TBCD: variants seen among roughly 807,000 people sequenced by gnomAD.
TBCD encodes tubulin folding cofactor D, also known as tubulin-specific chaperone D.
In TBCD, 105 loss-of-function variants were observed where a neutral mutation model predicts 169.3. The observed-to-expected ratio is 0.62, with a 90% confidence interval of 0.53 to 0.73. TBCD has a LOEUF of 0.73. TBCD is among the 30% of genes least tolerant of loss of function. The probability of loss-of-function intolerance (pLI) is 0.00; values close to 1 mark genes in which losing one functional copy is unlikely to be tolerated. For missense variants in TBCD, 1,444 were observed against 1,600.1 expected (o/e 0.90, Z 1.66); for synonymous variants, 700 against 643.9 (o/e 1.09, Z -1.32).
In TBCD at chr17:82,930,657, C is replaced by CA. The variant is rs1467639519; in HGVS notation, c.3113+14_3113+15insA. On this transcript the variant is annotated intron_variant, in intron 33 of 38. Coordinates refer to ENST00000355528, the MANE Select transcript of TBCD (RefSeq NM_005993.5). The surrounding 1 kb of genome is among the most constrained non-coding windows in gnomAD (Gnocchi z 5.2). ...TCTGAATGAGAGGTGAGTGGTGTCT[C>CA]TTGGGGCCTCAGAGGCGTGAGTGGT... is the stretch of plus-strand genomic sequence containing the variant. The CA allele has an allele frequency of 4.3e-6, 7 of 1,613,948 alleles. No individual in the cohort carries two copies. Among genetic ancestry groups the CA allele is most frequent in the Admixed American group, 3.3e-5 (2 of 60,030 alleles).
At chr17:82,872,431 G>C (rs1025746661) in intron 14 of TBCD, among the ~76,000 whole-genome samples, 3 of 152,214 alleles carry the variant, frequency 2.0e-5, no homozygotes, top group Non-Finnish European at 2.9e-5. Context: ...GCAGTGCCTT[G>C]CAGAGTGGAG....
Position 82,920,906 on chromosome 17 carries a change from G to T in TBCD, c.2101+288G>T. On this transcript the variant is annotated intron_variant, in intron 24 of 38. Coordinates refer to ENST00000355528, the MANE Select transcript of TBCD (RefSeq NM_005993.5). The surrounding 1 kb of genome is among the most constrained non-coding windows in gnomAD (Gnocchi z 4.1). The stretch of plus-strand genomic sequence containing the variant: ...CACTCTGGGTCAGTTCTTCTCCCAG[G>T]CAGACAGTCGGGAGCTGCAGCCACC... The T allele has an allele frequency of 2.4e-6, 1 of 421,988 alleles. No individual in the cohort carries two copies. The highest frequency in any genetic ancestry group is 2.6e-5 in the South Asian group (1 of 38,324). 26.1% of individuals were successfully genotyped at this position (421,988 alleles called of 1,614,324 possible).
At chr17:82,836,896 G>A (rs574875942) in intron 13 of TBCD, among the ~76,000 whole-genome samples, 1 of 152,266 alleles carries the variant, frequency 6.6e-6, no homozygotes, top group South Asian at 2.1e-4. Context: ...TCTTTGATCA[G>A]TTAGTTCACG....
At chr17:82,876,575 T>G (rs1052033638) in intron 14 of TBCD, among the ~76,000 whole-genome samples, 6 of 152,248 alleles carry the variant, frequency 3.9e-5, no homozygotes, top group African/African-American at 7.2e-5. Flanking sequence ...AGTTTTGTTC[T>G]GAGAATGAGA....
At chr17:82,765,824 C>CT (rs1326923284) in intron 3 of TBCD, among the ~76,000 whole-genome samples, 6 of 151,532 alleles carry the variant, frequency 4.0e-5, no homozygotes, top group African/African-American at 7.3e-5. Flanking sequence ...GGAAGGAAAT[C>CT]TTTTTTTTTG....
intron 13 of TBCD, among the ~76,000 whole-genome samples, chr17:82,840,966 T>G (rs947427772): frequency 6.6e-5 from 9 of 135,556 alleles, no homozygotes; most frequent in African/African-American, 1.4e-4. Context: ...TTTTTTTTTT[T>G]TTTTTTTTTT....
intron 13 of TBCD, among the ~76,000 whole-genome samples, chr17:82,858,964 G>A (rs1361932821): frequency 6.6e-6 from 1 of 152,246 alleles, no homozygotes; most frequent in Non-Finnish European, 1.5e-5. Flanking sequence ...GGGGGTCTTG[G>A]GCCGTGAGGC....
At chr17:82,902,556 G>C (rs370148726) in intron 18 of TBCD, among the ~76,000 whole-genome samples, 2 of 152,326 alleles carry the variant, frequency 1.3e-5, no homozygotes, top group East Asian at 1.9e-4. Flanking sequence ...AGAGCTCTTT[G>C]TTTACCGTTA....
At chr17:82,794,219 C>T (rs2049944732) in intron 7 of TBCD, among the ~76,000 whole-genome samples, 1 of 152,194 alleles carries the variant, frequency 6.6e-6, no homozygotes, top group African/African-American at 2.4e-5. Context: ...AGTAGCTCGA[C>T]AGCCTGTGAT....
chr17:82,768,643 C>T, intron 5 of TBCD, 77 bp downstream of exon 5: 3 of 1,505,318 alleles, frequency 2.0e-6, no homozygotes, highest in Middle Eastern at 1.9e-4. Context: ...TAGTGGTTTA[C>T]TCGGTAAGCT....
At chr17:82,867,264 C>T (rs1334338008) in intron 13 of TBCD, among the ~76,000 whole-genome samples, 1 of 152,214 alleles carries the variant, frequency 6.6e-6, no homozygotes, top group African/African-American at 2.4e-5. Context: ...GTGCAGGAGG[C>T]CTGAGGCCAT....
chr17:82,886,376 G>A (rs980937590), intron 15 of TBCD: 2 of 140,956 alleles, frequency 1.4e-5, no homozygotes, highest in African/African-American at 2.6e-5. Context: ...ACCCCCAAAC[G>A]TGCTGACATT....
chr17:82,764,132 C>A, intron 3 of TBCD, 70 bp downstream of exon 3: 1 of 1,197,378 alleles, frequency 8.4e-7, no homozygotes, highest in Non-Finnish European at 1.2e-6. Context: ...GGTTACCCTC[C>A]AAAATGTTAT....
intron 14 of TBCD, 25 bp downstream of exon 14, chr17:82,870,405 C>A (rs74530485): frequency 1.2e-6 from 2 of 1,605,856 alleles, no homozygotes; most frequent in South Asian, 1.1e-5. Flanking sequence ...CGAGGTACAT[C>A]GGATGCGCCG....
intron 28 of TBCD, 65 bp from the exon 29 acceptor site, chr17:82,927,121 C>G: frequency 1.9e-6 from 3 of 1,599,130 alleles, no homozygotes; most frequent in Non-Finnish European, 2.6e-6. Flanking sequence ...CACATCAGCC[C>G]TCTGCGATGT....
intron 7 of TBCD, among the ~76,000 whole-genome samples, chr17:82,785,413 G>A (rs371305439): frequency 1.9e-4 from 5 of 25,904 alleles, no homozygotes; most frequent in Admixed American, 3.0e-4. Flanking sequence ...CCGACCCATC[G>A]CAGCGGGAGG....
chr17:82,871,459 C>T (rs978611845), intron 14 of TBCD, among the ~76,000 whole-genome samples: 1 of 152,222 alleles, frequency 6.6e-6, no homozygotes, highest in Admixed American at 6.5e-5. Flanking sequence ...AGGTTTCACA[C>T]CCGCACTTCA....
In TBCD at chr17:82,923,845, G is replaced by A. The variant is rs1055683657; in HGVS notation, c.2260+112G>A. 7 of 844,864 alleles carry A rather than the reference G, an allele frequency of 8.3e-6. No homozygotes were observed. Among genetic ancestry groups the A allele is most frequent in the Middle Eastern group, 3.5e-4 (1 of 2,850 alleles). 52.3% of individuals were successfully genotyped at this position (844,864 alleles called of 1,614,324 possible). A position where few individuals can be genotyped will look rare whatever the true frequency, so the allele number is the denominator to read the frequency against. On this transcript the variant is annotated intron_variant, in intron 26 of 38. Transcript: ENST00000355528. This position sits in a 1 kb window ranked among gnomAD's most constrained non-coding sequence, Gnocchi z 4.6. ...TTGTGCAGTGGAGCAGAGCCACCAC[G>A]ATCATGGCTGGAGTGGGACTGTTCG... is the stretch of plus-strand genomic sequence containing the variant.
rs1273708174 is a variant in TBCD at position 82,903,008 on chromosome 17, C to A, written c.1731-397C>A. ...TGATGAGGCAGTTATTGGATATGTGCCCCAGATTTGGTGGGTGAGCCTCAG... is the reference window on the plus strand; with the variant it reads ...TGATGAGGCAGTTATTGGATATGTGACCCAGATTTGGTGGGTGAGCCTCAG... On this transcript the variant is annotated intron_variant, in intron 18 of 38. Transcript: ENST00000355528. The surrounding 1 kb of genome is among the most constrained non-coding windows in gnomAD (Gnocchi z 4.8). Among the ~76,000 whole-genome samples, 3 of 152,242 alleles carry A rather than the reference C, an allele frequency of 2.0e-5. No individual in the cohort carries two copies. The East Asian group carries it at 5.8e-4, about 29-fold the overall frequency.
Sources: gnomAD v4.1 joint callset for allele counts (sites outside exome capture counted in the v4.1 genomes callset) on GRCh38, gnomAD v4.1.1 for gene constraint, Gnocchi (gnomAD v3.1) non-coding constraint, MANE v1.5 for transcripts, NCBI Gene and HGNC (gene_info 2026-07-23, HGNC 2026-07-21) for gene names.